The following NR3C2 variants were observed in gnomAD, a reference collection of about 807,000 sequenced individuals.
The protein encoded by NR3C2 is nuclear receptor subfamily 3 group C member 2, also known as mineralocorticoid receptor.
Under a neutral mutation model 86.4 loss-of-function variants are expected in NR3C2, and 15 were observed. That is an observed-to-expected ratio of 0.17 (90% confidence interval 0.12 to 0.27). NR3C2 has a LOEUF of 0.27. Ranked by LOEUF, NR3C2 falls within the 10% of genes least tolerant of loss-of-function variation. The pLI is 1.00. For synonymous variants in NR3C2, 458 were observed against 450.5 expected (o/e 1.02, Z -0.21); for missense variants, 960 against 1,195.6 (o/e 0.80, Z 2.91).
chr4:148,366,436 T>TTTTAAAAAAGAATAC (rs1746117032), intron 2 of NR3C2, among the ~76,000 whole-genome samples: 1 of 86,722 alleles, frequency 1.2e-5, no homozygotes, highest in African/African-American at 3.6e-5. Context: ...AAAAGAATAC[T>TTTTAAAAAAGAATAC]TTTTTAAAAG....
At position 148,363,504 on chromosome 4, in the gene NR3C2, C is replaced by CTTTTTTTTTTTTTTTTT. The variant is rs1375693723; in HGVS notation, c.1757+71599_1757+71600insAAAAAAAAAAAAAAAAA. Among the ~76,000 whole-genome samples the CTTTTTTTTTTTTTTTTT allele has an allele frequency of 5.3e-3, 372 of 69,724 alleles. 100 individuals are homozygous for CTTTTTTTTTTTTTTTTT. Among genetic ancestry groups the CTTTTTTTTTTTTTTTTT allele is most frequent in the East Asian group, 7.1e-3 (11 of 1,558 alleles). 45.7% of individuals were successfully genotyped at this position (69,724 alleles called of 152,430 possible). ...ATTAAAGTCTAGACTTCTCATAGAT[C>CTTTTTTTTTTTTTTTTT]TCTTTTTTTTTTTTTTTGAGACGGA... On this transcript the variant is annotated intron_variant, in intron 2 of 8. Coordinates refer to ENST00000358102, the MANE Select transcript of NR3C2 (RefSeq NM_000901.5).
Position 148,324,243 on chromosome 4 carries a change from A to G in NR3C2, c.1758-64126T>C, listed in dbSNP as rs138058597. On this transcript the variant is annotated intron_variant, in intron 2 of 8. Transcript: ENST00000358102. ...GTATTTGTCTTTCTGTGTCTGGCTTATTTCATTTTATGTAACATCCTCCAG... is the reference window on the plus strand; with the variant it reads ...GTATTTGTCTTTCTGTGTCTGGCTTGTTTCATTTTATGTAACATCCTCCAG... Among the ~76,000 whole-genome samples the G allele has an allele frequency of 1.8e-3, 272 of 152,050 alleles. 2 individuals are homozygous for G. The highest frequency in any genetic ancestry group is 6.4e-3 in the African/African-American group (264 of 41,460).
chr4:148,435,723 C>T lies in NR3C2; in HGVS notation c.1138G>A (p.Val380Ile). Residue 380 changes from valine (V) to isoleucine (I), a missense_variant, in exon 2 of 9, where the codon GTA becomes ATA. Coordinates refer to ENST00000358102, the MANE Select transcript of NR3C2 (RefSeq NM_000901.5). ...QEVPFPKTEEVESAISNGVTG... is the reference protein window; with the variant it reads ...QEVPFPKTEEIESAISNGVTG... The stretch of plus-strand genomic sequence containing the variant: ...ACACCATTTGAGATGGCACTCTCTA[C>T]TTCCTCAGTCTTAGGAAAAGGGACC... The T allele has an allele frequency of 6.2e-7, 1 of 1,614,210 alleles. No individual in the cohort carries two copies. Among genetic ancestry groups the T allele is most frequent in the Non-Finnish European group, 8.5e-7 (1 of 1,180,038 alleles).
chr4:148,303,404 A>G (rs1009420515), intron 2 of NR3C2, among the ~76,000 whole-genome samples: 21 of 152,100 alleles, frequency 1.4e-4, no homozygotes, highest in Non-Finnish European at 1.2e-4. Flanking sequence ...TAGGGTGCCT[A>G]TCATCCAGAG....
intron 3 of NR3C2, among the ~76,000 whole-genome samples, chr4:148,240,510 T>C (rs760189791): frequency 1.1e-4 from 16 of 151,902 alleles, no homozygotes; most frequent in Non-Finnish European, 2.4e-4. Flanking sequence ...CCAGCCTAGA[T>C]TAAGGGGAGG....
At chr4:148,309,058 G>T (rs1485593511) in intron 2 of NR3C2, among the ~76,000 whole-genome samples, 1 of 151,892 alleles carries the variant, frequency 6.6e-6, no homozygotes, top group African/African-American at 2.4e-5. Flanking sequence ...AAAAAAAAAA[G>T]TTTGAGATGA....
At chr4:148,196,432 G>A (rs1736445770) in intron 3 of NR3C2, among the ~76,000 whole-genome samples, 1 of 152,062 alleles carries the variant, frequency 6.6e-6, no homozygotes, top group East Asian at 1.9e-4. Context: ...CATAAAACTG[G>A]GTGAGATCAT....
At chr4:148,419,095 C>CTTTTTTTTTTT (rs33928091) in intron 2 of NR3C2, among the ~76,000 whole-genome samples, 1 of 147,668 alleles carries the variant, frequency 6.8e-6, no homozygotes. Flanking sequence ...GTTGTTTTTC[C>CTTTTTTTTTTT]TTTTTTTTTT....
chr4:148,261,438 GCTACGGTCAGTGCTATGGTGCA>G (rs1740117505), intron 2 of NR3C2, among the ~76,000 whole-genome samples: 1 of 151,340 alleles, frequency 6.6e-6, no homozygotes. Context: ...GCTATGGTGC[GCTACGGTCAGTGCTATGGTGCA>G]CTATGGTAAG....
intron 2 of NR3C2, among the ~76,000 whole-genome samples, chr4:148,353,435 T>C (rs893230454): frequency 2.6e-5 from 4 of 152,070 alleles, no homozygotes; most frequent in Non-Finnish European, 4.4e-5. Context: ...TTGTCAACAA[T>C]ATACATCTTC....
At chr4:148,410,294 T>C (rs779018381) in intron 2 of NR3C2, among the ~76,000 whole-genome samples, 2 of 152,210 alleles carry the variant, frequency 1.3e-5, no homozygotes. Flanking sequence ...AAGTTAACTA[T>C]GCTTTCAATG....
intron 2 of NR3C2, among the ~76,000 whole-genome samples, chr4:148,379,368 A>T (rs117557695): frequency 1.3e-5 from 2 of 152,172 alleles, no homozygotes; most frequent in Non-Finnish European, 2.9e-5. Context: ...AGAGGAAAGG[A>T]TTCAAACCAT....
chr4:148,389,822 T>C (rs1441379403), intron 2 of NR3C2, among the ~76,000 whole-genome samples: 1 of 151,938 alleles, frequency 6.6e-6, no homozygotes, highest in African/African-American at 2.4e-5. Flanking sequence ...TAACAGAGCA[T>C]TAAGGACAAA....
At chr4:148,233,979 A>C (rs1336156609) in intron 3 of NR3C2, among the ~76,000 whole-genome samples, 1 of 152,216 alleles carries the variant, frequency 6.6e-6, no homozygotes, top group African/African-American at 2.4e-5. Flanking sequence ...CAAACCTTCA[A>C]TCTGAAATTA....
chr4:148,226,026 A>C (rs933314543), intron 3 of NR3C2, among the ~76,000 whole-genome samples: 3 of 152,186 alleles, frequency 2.0e-5, no homozygotes, highest in African/African-American at 7.2e-5. Flanking sequence ...TGCTTTCCTA[A>C]GATATGTGTA....
intron 2 of NR3C2, among the ~76,000 whole-genome samples, chr4:148,302,298 A>G (rs1473581619): frequency 6.6e-6 from 1 of 152,238 alleles, no homozygotes; most frequent in African/African-American, 2.4e-5. Flanking sequence ...AGAAAACCTA[A>G]GTAATCTTTT....
intron 2 of NR3C2, among the ~76,000 whole-genome samples, chr4:148,430,755 A>G (rs952341021): frequency 6.6e-6 from 1 of 152,162 alleles, no homozygotes; most frequent in Non-Finnish European, 1.5e-5. Flanking sequence ...AACTGTTTAT[A>G]TTGAAAGTTT....
chr4:148,091,963 G>C (rs943016111), intron 8 of NR3C2, among the ~76,000 whole-genome samples: 1 of 152,096 alleles, frequency 6.6e-6, no homozygotes, highest in East Asian at 1.9e-4. Flanking sequence ...CAGTTCATCA[G>C]GATGTGTCAG....
intron 6 of NR3C2, among the ~76,000 whole-genome samples, chr4:148,136,073 A>AC (rs1560939965): frequency 3.5e-4 from 16 of 45,834 alleles, no homozygotes; most frequent in East Asian, 2.1e-3. Flanking sequence ...AAAAAAAAAA[A>AC]AAACAAAAAA....
Sources: gnomAD v4.1 joint callset for allele counts (sites outside exome capture counted in the v4.1 genomes callset) on GRCh38, gnomAD v4.1.1 for gene constraint, MANE v1.5 for transcripts, NCBI Gene and HGNC (gene_info 2026-07-23, HGNC 2026-07-21) for gene names.